Variants in TNKS observed in about 807,000 individuals in gnomAD.
TNKS encodes the protein poly [ADP-ribose] polymerase tankyrase-1.
A neutral mutation model predicts 135.8 loss-of-function variants in TNKS; 72 were observed. The observed-to-expected ratio is 0.53, with a 90% CI of 0.44 to 0.64. TNKS has a LOEUF of 0.64. TNKS is among the 30% of genes least tolerant of loss of function. The pLI, the probability that TNKS is intolerant of heterozygous loss-of-function variation, is 0.00. For missense variants in TNKS, 1,769 were observed against 1,674.0 expected, an observed-to-expected ratio of 1.06 and a Z score of -0.99; for synonymous variants, 849 against 649.3, an observed-to-expected ratio of 1.31 and a Z score of -4.68.
At chr8:9,654,359 G>A (rs34465863) in intron 3 of TNKS, among the ~76,000 whole-genome samples, 1 of 129,324 alleles carries the variant, frequency 7.7e-6, no homozygotes, top group South Asian at 2.8e-4. Context: ...ACTAAAAATC[G>A]AGTGTTTCTT....
intron 20 of TNKS, among the ~76,000 whole-genome samples, chr8:9,754,815 C>A (rs960120520): frequency 6.6e-6 from 1 of 152,226 alleles, no homozygotes; most frequent in South Asian, 2.1e-4. Context: ...ACTTTATAGA[C>A]TGCTGTCTAT....
At chr8:9,596,026 C>G (rs1290037146) in intron 2 of TNKS, among the ~76,000 whole-genome samples, 1 of 152,108 alleles carries the variant, frequency 6.6e-6, no homozygotes, top group African/African-American at 2.4e-5. Context: ...GCAGAAGGAT[C>G]ACTTGAGTGG....
Position 9,702,618 on chromosome 8 carries a change from C to T in TNKS, c.1108-2045C>T, listed in dbSNP as rs141317695. On this transcript the variant is annotated intron_variant, in intron 5 of 26. Coordinates refer to ENST00000310430, the MANE Select transcript of TNKS (RefSeq NM_003747.3). Reference sequence around the variant, plus strand: ...GAGTCCTGAAAGTAAGTTGATACTCCCTGACAGTATCATTTGCAGTAGCAT... The same window carrying T: ...GAGTCCTGAAAGTAAGTTGATACTCTCTGACAGTATCATTTGCAGTAGCAT... Among the ~76,000 whole-genome samples, 1,086 of 152,262 alleles carry T rather than the reference C, an allele frequency of 7.1e-3. 14 individuals are homozygous for T. The highest frequency in any genetic ancestry group is 0.025 in the African/African-American group (1,050 of 41,544).
intron 26 of TNKS, among the ~76,000 whole-genome samples, chr8:9,773,380 A>C (rs754198368): frequency 4.6e-5 from 7 of 152,190 alleles, no homozygotes; most frequent in Non-Finnish European, 1.0e-4. Flanking sequence ...TATGGTTATC[A>C]CTGGGTGATA....
intron 2 of TNKS, among the ~76,000 whole-genome samples, chr8:9,584,182 A>AT (rs1189855346): frequency 1.3e-5 from 2 of 151,334 alleles, no homozygotes; most frequent in African/African-American, 4.9e-5. Flanking sequence ...AAAAAAAAAA[A>AT]AAAAAATCTG....
chr8:9,676,939 T>C (rs2128795633), intron 3 of TNKS, among the ~76,000 whole-genome samples: 1 of 152,326 alleles, frequency 6.6e-6, no homozygotes, highest in Non-Finnish European at 1.5e-5. Context: ...AGTCTTTATC[T>C]GGATGTTATT....
At chr8:9,622,682 A>G (rs1171420982) in intron 3 of TNKS, among the ~76,000 whole-genome samples, 2 of 152,242 alleles carry the variant, frequency 1.3e-5, no homozygotes, top group African/African-American at 4.8e-5. Flanking sequence ...CAGGGCTTAA[A>G]TCTAGTCTGT....
intron 2 of TNKS, among the ~76,000 whole-genome samples, chr8:9,595,823 A>G (rs879443087): frequency 6.6e-6 from 1 of 152,092 alleles, no homozygotes; most frequent in Non-Finnish European, 1.5e-5. Flanking sequence ...AAAACAATCT[A>G]TGGGTTAGGT....
chr8:9,557,498 A>G (rs1815375092), intron 1 of TNKS: 1 of 152,034 alleles, frequency 6.6e-6, no homozygotes, highest in African/African-American at 2.4e-5. Flanking sequence ...ACAAAGGACC[A>G]TAATCTCACT....
At chr8:9,572,096 A>G (rs1797777505) in intron 1 of TNKS, among the ~76,000 whole-genome samples, 1 of 152,218 alleles carries the variant, frequency 6.6e-6, no homozygotes, top group Non-Finnish European at 1.5e-5. Context: ...CATGATATAT[A>G]GACATAAGCT....
chr8:9,590,932 GT>G (rs1366078606), intron 2 of TNKS, among the ~76,000 whole-genome samples: 4 of 152,176 alleles, frequency 2.6e-5, no homozygotes, highest in Non-Finnish European at 4.4e-5. Context: ...TAAAAAGTCT[GT>G]TTCTGCTTTC....
At chr8:9,565,147 C>G (rs1455763066) in intron 1 of TNKS, among the ~76,000 whole-genome samples, 1 of 152,150 alleles carries the variant, frequency 6.6e-6, no homozygotes, top group Non-Finnish European at 1.5e-5. Context: ...ACTGAGTTCT[C>G]TTCTCGAATC....
chr8:9,769,572 T>A lies in TNKS; in HGVS notation c.3741-534T>A, dbSNP rs146645945. The stretch of plus-strand genomic sequence containing the variant: ...GGGCTCAGTTTTTTCTCTGGTTTTT[T>A]CCCTTTTTCCACCAGGCAAAACTTA... On this transcript the variant is annotated intron_variant, in intron 25 of 26. Coordinates refer to ENST00000310430, the MANE Select transcript of TNKS (RefSeq NM_003747.3). Among the ~76,000 whole-genome samples the A allele has an allele frequency of 1.2e-4, 18 of 151,736 alleles. 1 individual carries two copies. In the East Asian group the frequency reaches 3.3e-3, roughly 28 times the overall value.
Position 9,652,231 on chromosome 8 carries a change from G to T in TNKS, c.995-27720G>T, listed in dbSNP as rs149682402. Among the ~76,000 whole-genome samples the T allele has an allele frequency of 4.4e-3, 672 of 152,254 alleles. 2 individuals carry two copies. Among genetic ancestry groups the T allele is most frequent in the Non-Finnish European group, 6.5e-3 (439 of 67,996 alleles). ...CCAATATTCTTTCTTTTGGAGTGAGGTTCTTCTCTGTAATGAGGAAGTGGA... is the reference window on the plus strand; with the variant it reads ...CCAATATTCTTTCTTTTGGAGTGAGTTTCTTCTCTGTAATGAGGAAGTGGA... On this transcript the variant is annotated intron_variant, in intron 3 of 26. Transcript: ENST00000310430.
intron 12 of TNKS, 145 bp from the exon 13 acceptor site, chr8:9,726,496 C>CATT (rs1805171709): frequency 1.7e-6 from 1 of 577,054 alleles, no homozygotes; most frequent in African/African-American, 1.9e-5. Context: ...AGTTTTGCTA[C>CATT]AACATTTAGT....
chr8:9,766,156 C>T, intron 24 of TNKS, 83 bp from the exon 25 acceptor site: 2 of 1,194,860 alleles, frequency 1.7e-6, no homozygotes, highest in South Asian at 1.6e-5. Flanking sequence ...TTAATATTAA[C>T]CTGCCCGATG....
intron 2 of TNKS, among the ~76,000 whole-genome samples, chr8:9,582,710 A>G (rs1020704057): frequency 6.6e-6 from 1 of 152,190 alleles, no homozygotes; most frequent in African/African-American, 2.4e-5. Context: ...TACATATAAA[A>G]TATTTAGAAG....
chr8:9,685,437 A>G (rs1802948377), intron 5 of TNKS, among the ~76,000 whole-genome samples: 1 of 152,216 alleles, frequency 6.6e-6, no homozygotes, highest in Admixed American at 6.5e-5. Context: ...TGTAGCACAC[A>G]GTAACCTTTA....
chr8:9,746,713 G>T (rs1464831235), intron 17 of TNKS, among the ~76,000 whole-genome samples: 1 of 151,962 alleles, frequency 6.6e-6, no homozygotes, highest in African/African-American at 2.4e-5. Flanking sequence ...TTGAGCAAAT[G>T]CTGGTTGGTA....
Sources: gnomAD v4.1 joint callset for allele counts (sites outside exome capture counted in the v4.1 genomes callset) on GRCh38, gnomAD v4.1.1 for gene constraint, MANE v1.5 for transcripts, NCBI Gene and HGNC (gene_info 2026-07-23, HGNC 2026-07-21) for gene names.